CADM2: variants seen among roughly 807,000 people sequenced by gnomAD.
CADM2 encodes immunoglobulin superfamily member 4D.
In CADM2, 12 loss-of-function variants were observed where a neutral mutation model predicts 49.8. The ratio of observed to expected loss-of-function variants is 0.24; its 90% CI spans 0.15 to 0.39. The LOEUF (loss-of-function observed/expected upper bound fraction) is 0.39, where lower values mean the gene tolerates loss of function less well. CADM2 is among the 10% of genes least tolerant of loss of function. The pLI, the probability that CADM2 is intolerant of heterozygous loss-of-function variation, is 1.00. For missense variants in CADM2, 378 were observed against 492.3 expected, an observed-to-expected ratio of 0.77 and a Z score of 2.20; for synonymous variants, 214 against 175.4, an observed-to-expected ratio of 1.22 and a Z score of -1.74.
chr3:85,000,522 A>G (rs929046601), intron 1 of CADM2, among the ~76,000 whole-genome samples: 5 of 152,122 alleles, frequency 3.3e-5, no homozygotes, highest in African/African-American at 1.2e-4. Context: ...TCTTAAGATG[A>G]CTTTTTAATA....
chr3:85,338,853 C>T, intron 1 of CADM2, among the ~76,000 whole-genome samples: 1 of 151,410 alleles, frequency 6.6e-6, no homozygotes, highest in East Asian at 1.9e-4. Context: ...AAGGCATCTA[C>T]TTAGATATAG....
intron 1 of CADM2, among the ~76,000 whole-genome samples, chr3:85,494,588 A>G (rs2039807790): frequency 6.6e-6 from 1 of 152,174 alleles, no homozygotes; most frequent in South Asian, 2.1e-4. Context: ...TTGTATGTTT[A>G]AAAGGTAGGA....
intron 1 of CADM2, among the ~76,000 whole-genome samples, chr3:85,551,241 C>T (rs1420110734): frequency 6.6e-6 from 1 of 152,162 alleles, no homozygotes; most frequent in Non-Finnish European, 1.5e-5. Context: ...CTCAGCCTCC[C>T]AAAGTGCTTA....
chr3:85,763,527 G>A (rs1444954724), intron 2 of CADM2, among the ~76,000 whole-genome samples: 4 of 152,114 alleles, frequency 2.6e-5, no homozygotes, highest in Non-Finnish European at 4.4e-5. Context: ...ATTATTCTGA[G>A]TGAAGAAAGT....
chr3:85,599,446 G>A (rs1392133173), intron 1 of CADM2, among the ~76,000 whole-genome samples: 1 of 151,922 alleles, frequency 6.6e-6, no homozygotes, highest in Non-Finnish European at 1.5e-5. Flanking sequence ...ACAGCTGGTA[G>A]CAGAGCTCGA....
chr3:85,695,052 G>C (rs1460603676), intron 1 of CADM2, among the ~76,000 whole-genome samples: 1 of 151,970 alleles, frequency 6.6e-6, no homozygotes, highest in Admixed American at 6.6e-5. Flanking sequence ...CTAATGTCTC[G>C]TGTTTTTCAT....
chr3:85,365,198 A>C (rs56685769), intron 1 of CADM2, among the ~76,000 whole-genome samples: 5 of 48,648 alleles, frequency 1.0e-4, no homozygotes, highest in African/African-American at 2.5e-4. Context: ...TTTTTTTTTT[A>C]CTTTTTTTTT....
At chr3:85,940,623 G>A (rs934343452) in intron 7 of CADM2, among the ~76,000 whole-genome samples, 7 of 151,858 alleles carry the variant, frequency 4.6e-5, no homozygotes, top group Non-Finnish European at 8.8e-5. Context: ...AATATTTACC[G>A]CTCTCCTGCT....
At chr3:85,757,337 A>C (rs1312929701) in intron 2 of CADM2, among the ~76,000 whole-genome samples, 1 of 152,124 alleles carries the variant, frequency 6.6e-6, no homozygotes, top group Non-Finnish European at 1.5e-5. Flanking sequence ...CGAAAGACAA[A>C]TATTAAGTTC....
rs1553743549 is a variant in CADM2 at position 85,568,397 on chromosome 3, C to CTCTTTTCTT, written c.62-158120_62-158119insTCTTTCTTT. 6.1e-3 allele frequency among the ~76,000 whole-genome samples: 316 copies of CTCTTTTCTT among 52,096 alleles called. 22 individuals are homozygous for CTCTTTTCTT. The highest frequency in any genetic ancestry group is 0.012 in the African/African-American group (281 of 23,336). 34.2% of individuals were successfully genotyped at this position (52,096 alleles called of 152,430 possible). A position where few individuals can be genotyped will look rare whatever the true frequency, so the allele number is the denominator to read the frequency against. On this transcript the variant is annotated intron_variant, in intron 1 of 9. Transcript: ENST00000383699. ...GTTACCTACAATCTTTCCTTCCTCC[C>CTCTTTTCTT]TCTTTCTTTCTTTCTTTCTTTCTTT...
intron 1 of CADM2, among the ~76,000 whole-genome samples, chr3:85,321,083 GATATATACATATATATAT>G (rs1314156317): frequency 2.2e-5 from 2 of 91,854 alleles, no homozygotes; most frequent in African/African-American, 3.9e-5. Context: ...ACTCATAATA[GATATATACATATATATAT>G]ATATATATAT....
intron 1 of CADM2, among the ~76,000 whole-genome samples, chr3:85,232,594 A>C (rs2042319617): frequency 6.6e-6 from 1 of 152,198 alleles, no homozygotes; most frequent in African/African-American, 2.4e-5. Context: ...AAACAACCCA[A>C]TTAAAAATGT....
intron 1 of CADM2, among the ~76,000 whole-genome samples, chr3:85,393,327 T>C (rs1343228355): frequency 6.6e-6 from 1 of 152,138 alleles, no homozygotes; most frequent in African/African-American, 2.4e-5. Flanking sequence ...TGATCTTGAC[T>C]TAGATATATT....
chr3:85,166,579 A>G (rs1169415971), intron 1 of CADM2, among the ~76,000 whole-genome samples: 2 of 151,918 alleles, frequency 1.3e-5, no homozygotes, highest in African/African-American at 4.8e-5. Context: ...TCTGGAAAAT[A>G]TAAAGACAAT....
chr3:85,285,633 T>C (rs1179685299), intron 1 of CADM2, among the ~76,000 whole-genome samples: 1 of 151,998 alleles, frequency 6.6e-6, no homozygotes, highest in African/African-American at 2.4e-5. Context: ...ATGAATAAAG[T>C]CTTTTTCTCC....
In CADM2 at chr3:86,054,861, A is replaced by T. The variant is rs1223010931; in HGVS notation, c.971-10744A>T. ...TTCACAGAATACATTGCCAAAATGG[A>T]TATATGGCAATGTCATATTGAAGTC... On this transcript the variant is annotated intron_variant, in intron 8 of 9. Transcript: ENST00000383699. 2.0e-5 allele frequency among the ~76,000 whole-genome samples: 3 copies of T among 152,180 alleles called. No homozygotes were observed. The East Asian group carries it at 5.8e-4, about 29-fold the overall frequency.
At chr3:85,750,982 TAA>T (rs918090901) in intron 2 of CADM2, among the ~76,000 whole-genome samples, 11 of 152,026 alleles carry the variant, frequency 7.2e-5, no homozygotes, top group African/African-American at 1.9e-4. Flanking sequence ...AGAATTTAAA[TAA>T]GAGAGGAATT....
intron 1 of CADM2, among the ~76,000 whole-genome samples, chr3:85,078,874 G>T (rs2037053062): frequency 6.6e-6 from 1 of 151,448 alleles, no homozygotes; most frequent in African/African-American, 2.4e-5. Flanking sequence ...ATAAAGTTTA[G>T]GTAGTCTGCA....
intron 1 of CADM2, among the ~76,000 whole-genome samples, chr3:84,974,272 G>T (rs568614279): frequency 1.3e-5 from 2 of 151,588 alleles, no homozygotes; most frequent in Non-Finnish European, 2.9e-5. Flanking sequence ...TAATGATGGT[G>T]GTCTAGCATT....
Sources: allele counts gnomAD v4.1 joint callset (sites outside exome capture counted in the v4.1 genomes callset), GRCh38; gene constraint gnomAD v4.1.1; transcripts MANE v1.5; gene names NCBI Gene and HGNC (gene_info 2026-07-23, HGNC 2026-07-21).